SATB2: variants seen among roughly 807,000 people sequenced by gnomAD.
The protein encoded by SATB2 is SATB homeobox 2.
SATB2 carries 1 observed loss-of-function variant against 73.4 expected under a neutral mutation model. The ratio of observed to expected loss-of-function variants is 0.01; its 90% CI spans 0.00 to 0.06. The LOEUF is 0.06. SATB2 is among the 10% of genes least tolerant of loss of function. The probability of loss-of-function intolerance (pLI) is 1.00; values close to 1 mark genes in which losing one functional copy is unlikely to be tolerated. For missense variants in SATB2, 459 were observed against 945.8 expected, an observed-to-expected ratio of 0.49 and a Z score of 6.75; for synonymous variants, 397 against 367.0, an observed-to-expected ratio of 1.08 and a Z score of -0.93.
chr2:199,352,204 G>A (rs1018467110), intron 6 of SATB2, among the ~76,000 whole-genome samples: 7 of 152,086 alleles, frequency 4.6e-5, no homozygotes, highest in African/African-American at 1.4e-4. Flanking sequence ...AAAAAACATA[G>A]AACCATCCTC....
chr2:199,358,146 CT>C (rs531206958), intron 6 of SATB2, among the ~76,000 whole-genome samples: 1 of 152,126 alleles, frequency 6.6e-6, no homozygotes, highest in Non-Finnish European at 1.5e-5. Context: ...GGGTTAAAAT[CT>C]TTTTAAAAGG....
intron 9 of SATB2, among the ~76,000 whole-genome samples, chr2:199,309,672 A>ATGATGGAT (rs1240396657): frequency 6.6e-6 from 1 of 152,224 alleles, no homozygotes; most frequent in Non-Finnish European, 1.5e-5. Context: ...AATGCAAATA[A>ATGATGGAT]TGATGGATTA....
intron 10 of SATB2, among the ~76,000 whole-genome samples, chr2:199,273,618 C>T (rs1692224772): frequency 6.6e-6 from 1 of 152,112 alleles, no homozygotes; most frequent in South Asian, 2.1e-4. Flanking sequence ...ATAACTGTTT[C>T]TTAAATTATG....
In SATB2 at chr2:199,378,921, T is replaced by G. The variant is rs545482207; in HGVS notation, c.597+1443A>C. 3.3e-5 allele frequency among the ~76,000 whole-genome samples: 5 copies of G among 152,212 alleles called. No homozygotes were observed. The East Asian group carries it at 7.7e-4, about 23-fold the overall frequency. ...AATCCAGCCCTGATTCCAGGATACA[T>G]GCTCTTACCCAATAGCCTTCCTATC... On this transcript the variant is annotated intron_variant, in intron 5 of 10. Coordinates refer to ENST00000417098, the MANE Select transcript of SATB2 (RefSeq NM_001172509.2).
intron 6 of SATB2, among the ~76,000 whole-genome samples, chr2:199,360,232 T>G (rs1490647294): frequency 6.6e-6 from 1 of 152,192 alleles, no homozygotes; most frequent in African/African-American, 2.4e-5. Flanking sequence ...GCTGGGCATT[T>G]CATGGTCTAC....
intron 3 of SATB2, among the ~76,000 whole-genome samples, chr2:199,402,535 C>G (rs1485329233): frequency 6.6e-6 from 1 of 152,122 alleles, no homozygotes; most frequent in Non-Finnish European, 1.5e-5. Context: ...TGCACTCCAG[C>G]CTAGGCGAGA....
chr2:199,462,846 A>G (rs1692507816), upstream of SATB2, among the ~76,000 whole-genome samples: 1 of 150,724 alleles, frequency 6.6e-6, no homozygotes, highest in Admixed American at 6.6e-5. This position sits in a 1 kb window ranked among gnomAD's most constrained non-coding sequence, Gnocchi z 5.9. Context: ...CTAGCACCCC[A>G]GAGGCCCGAG....
rs67882050 is a variant in SATB2 at position 199,270,510 on chromosome 2, C to CAA, written c.*1699_*1700dup. The CAA allele has an allele frequency of 2.0e-3, 271 of 137,946 alleles. No homozygotes were observed. The highest frequency in any genetic ancestry group is 3.0e-3 in the East Asian group (15 of 4,924). The allele number at this position is 137,946 out of a possible 1,614,324, so 8.5% of individuals were successfully genotyped here. The stretch of plus-strand genomic sequence containing the variant: ...GACAAGGTTTTGTGAAAGCACAACT[C>CAA]AAAAAAAAAAAAAAAATCCAACCAT... On this transcript the variant is annotated 3_prime_UTR_variant, in exon 11 of 11. Transcript: ENST00000417098.
At chr2:199,387,693 C>T (rs543575237) in intron 3 of SATB2, among the ~76,000 whole-genome samples, 9 of 152,088 alleles carry the variant, frequency 5.9e-5, no homozygotes, top group Non-Finnish European at 1.0e-4. Flanking sequence ...TGAATAAAAC[C>T]GTCTATATCC....
chr2:199,369,853 T>G (rs1341797732), intron 5 of SATB2, among the ~76,000 whole-genome samples: 2 of 152,196 alleles, frequency 1.3e-5, no homozygotes, highest in African/African-American at 2.4e-5. Context: ...TTAATCACTA[T>G]GCAGTACTGG....
intron 3 of SATB2, among the ~76,000 whole-genome samples, chr2:199,410,999 A>G (rs1373748296): frequency 6.6e-6 from 1 of 152,154 alleles, no homozygotes; most frequent in African/African-American, 2.4e-5. Context: ...TCCTAATTAA[A>G]GAAGCCCAAG....
chr2:199,386,716 GCACACA>G (rs61568459), intron 3 of SATB2, among the ~76,000 whole-genome samples: 182 of 9,208 alleles, frequency 0.02, no homozygotes, highest in Admixed American at 0.027. Context: ...GCGCGCGCGC[GCACACA>G]CACACACACA....
intron 9 of SATB2, among the ~76,000 whole-genome samples, chr2:199,315,124 A>C (rs1379569246): frequency 2.0e-5 from 3 of 151,956 alleles, no homozygotes; most frequent in African/African-American, 4.8e-5. Flanking sequence ...ACACTACATC[A>C]ATCATTTAAA....
At chr2:199,442,220 C>G (rs772954904) in intron 2 of SATB2, among the ~76,000 whole-genome samples, 1 of 152,226 alleles carries the variant, frequency 6.6e-6, no homozygotes, top group Admixed American at 6.5e-5. Flanking sequence ...CCATATCACT[C>G]TGGCCCCATT....
intron 2 of SATB2, among the ~76,000 whole-genome samples, chr2:199,443,021 AT>A (rs10673737): frequency 0.019 from 2,476 of 133,528 alleles, 55 homozygotes; most frequent in African/African-American, 0.06. Context: ...GTTTCTGAGA[AT>A]TTTTTTTTTT....
chr2:199,391,731 T>C (rs1690148709), intron 3 of SATB2, among the ~76,000 whole-genome samples: 1 of 152,166 alleles, frequency 6.6e-6, no homozygotes, highest in Admixed American at 6.5e-5. Context: ...CAAATGTTTC[T>C]CTAATTGAAT....
At chr2:199,284,267 A>G (rs1335419667) in intron 10 of SATB2, among the ~76,000 whole-genome samples, 1 of 152,228 alleles carries the variant, frequency 6.6e-6, no homozygotes, top group African/African-American at 2.4e-5. Context: ...AGGGCTGCAT[A>G]ACCTTACAAA....
At position 199,278,478 on chromosome 2, in the gene SATB2, A is replaced by G. The variant is rs1251415742; in HGVS notation, c.1741-5806T>C. Among the ~76,000 whole-genome samples the G allele has an allele frequency of 3.3e-5, 5 of 152,316 alleles. No homozygotes were observed. In the East Asian group the frequency reaches 7.7e-4, roughly 24 times the overall value. ...GAGCATTTCCCTTAGCACAGAAAGTACTGTTGGATAGTACCATGCTCCAGC... is the reference window on the plus strand; with the variant it reads ...GAGCATTTCCCTTAGCACAGAAAGTGCTGTTGGATAGTACCATGCTCCAGC... On this transcript the variant is annotated intron_variant, in intron 10 of 10. Transcript: ENST00000417098.
intron 1 of SATB2, among the ~76,000 whole-genome samples, chr2:199,456,635 C>A (rs1008189609): frequency 2.6e-5 from 4 of 152,146 alleles, no homozygotes; most frequent in Middle Eastern, 3.2e-3. Context: ...CGGAGCAAGT[C>A]CTGAGATAAG....
Sources: allele counts gnomAD v4.1 joint callset (sites outside exome capture counted in the v4.1 genomes callset), GRCh38; gene constraint gnomAD v4.1.1; non-coding constraint Gnocchi (gnomAD v3.1); transcripts MANE v1.5; gene names NCBI Gene and HGNC (gene_info 2026-07-23, HGNC 2026-07-21).